PTPRF: variants seen among roughly 807,000 people sequenced by gnomAD.
PTPRF encodes protein tyrosine phosphatase receptor type F.
PTPRF carries 59 observed loss-of-function variants against 201.8 expected under a neutral mutation model. That is an observed-to-expected ratio of 0.29 (90% CI 0.24 to 0.36). PTPRF has a LOEUF of 0.36. PTPRF is among the 10% of genes least tolerant of loss of function. The pLI, the probability that PTPRF is intolerant of heterozygous loss-of-function variation, is 1.00. For missense variants in PTPRF, 2,132 were observed against 2,690.5 expected (o/e 0.79, Z 4.59); for synonymous variants, 1,088 against 1,089.7 (o/e 1.00, Z 0.03).
chr1:43,544,754 C>G (rs565736061), intron 2 of PTPRF, among the ~76,000 whole-genome samples: 112 of 152,304 alleles, frequency 7.4e-4, no homozygotes, highest in African/African-American at 2.5e-3. Flanking sequence ...ACCTCCTACT[C>G]AGGTTTAGAG....
At chr1:43,569,993 A>G (rs141302331) in intron 6 of PTPRF, among the ~76,000 whole-genome samples, 2 of 152,288 alleles carry the variant, frequency 1.3e-5, no homozygotes, top group South Asian at 2.1e-4. Flanking sequence ...GTCAGACTCC[A>G]GACTTTGGGC....
At chr1:43,555,620 A>AT (rs1476121741) in intron 5 of PTPRF, among the ~76,000 whole-genome samples, 2 of 151,694 alleles carry the variant, frequency 1.3e-5, no homozygotes, top group African/African-American at 2.4e-5. Context: ...TAATTTTTGT[A>AT]TTTTTAGTAA....
chr1:43,532,937 G>C (rs892863761), intron 1 of PTPRF, among the ~76,000 whole-genome samples: 1 of 151,942 alleles, frequency 6.6e-6, no homozygotes, highest in South Asian at 2.1e-4. Context: ...ACCTGGGCCC[G>C]CATGCCGGCC....
At position 43,622,184 on chromosome 1, in the gene PTPRF, C is replaced by A; in HGVS notation, c.*181C>A. ...ACACCAATCAGAGAGCCTAGAACAT[C>A]CCTGGGCAAGTGGATGGCCCAGCAG... On this transcript the variant is annotated 3_prime_UTR_variant, in exon 34 of 34. Transcript: ENST00000359947. 1 of 658,920 alleles carries A rather than the reference C, an allele frequency of 1.5e-6. No individual in the cohort carries two copies. The highest frequency in any genetic ancestry group is 2.6e-5 in the Admixed American group (1 of 37,978). 40.8% of individuals were successfully genotyped at this position (658,920 alleles called of 1,614,324 possible).
intron 11 of PTPRF, among the ~76,000 whole-genome samples, chr1:43,594,979 G>A (rs1372552666): frequency 1.3e-5 from 2 of 152,178 alleles, no homozygotes; most frequent in African/African-American, 4.8e-5. Context: ...ATGCTGCTGA[G>A]CGGTCAGGAG....
At chr1:43,571,097 T>A (rs575178311) in intron 6 of PTPRF, among the ~76,000 whole-genome samples, 4 of 152,326 alleles carry the variant, frequency 2.6e-5, no homozygotes, top group Admixed American at 6.5e-5. Context: ...TATATAGTGC[T>A]TGGGGTGCCC....
At chr1:43,573,563 G>C (rs1646715616) in intron 6 of PTPRF, among the ~76,000 whole-genome samples, 1 of 152,226 alleles carries the variant, frequency 6.6e-6, no homozygotes, top group Admixed American at 6.5e-5. Context: ...GGAAGAGCCT[G>C]TCCCCACCCC....
In PTPRF at chr1:43,581,136, C is replaced by T. The variant is rs541021164; in HGVS notation, c.679+2216C>T. On this transcript the variant is annotated intron_variant, in intron 7 of 33. Coordinates refer to ENST00000359947, the MANE Select transcript of PTPRF (RefSeq NM_002840.5). ...TCTTATGTGCAGCCCCTTGGAGCATCCCTGTCTGTGGGGCTCCCTGTTTAC... is the reference window on the plus strand; with the variant it reads ...TCTTATGTGCAGCCCCTTGGAGCATTCCTGTCTGTGGGGCTCCCTGTTTAC... Among the ~76,000 whole-genome samples the T allele has an allele frequency of 2.4e-4, 36 of 152,352 alleles. 1 individual carries two copies. In the South Asian group the frequency reaches 6.8e-3, roughly 29 times the overall value.
chr1:43,574,011 T>C (rs1646755957), intron 6 of PTPRF, among the ~76,000 whole-genome samples: 1 of 85,036 alleles, frequency 1.2e-5, no homozygotes, highest in Admixed American at 1.3e-4. Context: ...TTTTTTTTTT[T>C]TTGAGACAGA....
At chr1:43,558,697 G>A (rs533677259) in intron 5 of PTPRF, among the ~76,000 whole-genome samples, 3 of 152,260 alleles carry the variant, frequency 2.0e-5, no homozygotes, top group East Asian at 1.9e-4. Flanking sequence ...CCTCCAACCC[G>A]CCCGCTGCCG....
At chr1:43,552,501 G>A (rs769655139) in intron 3 of PTPRF, among the ~76,000 whole-genome samples, 10 of 152,222 alleles carry the variant, frequency 6.6e-5, no homozygotes, top group Non-Finnish European at 1.0e-4. Flanking sequence ...CATCGCACAC[G>A]TTTCTGTGCC....
intron 7 of PTPRF, among the ~76,000 whole-genome samples, chr1:43,583,880 C>T (rs536118295): frequency 6.6e-6 from 1 of 152,330 alleles, no homozygotes; most frequent in South Asian, 2.1e-4. Flanking sequence ...TGGAATTTAG[C>T]CCACCAGCCA....
At chr1:43,617,325 C>G in intron 23 of PTPRF, 120 bp from the exon 24 acceptor site, 1 of 1,412,758 alleles carries the variant, frequency 7.1e-7, no homozygotes, top group Non-Finnish European at 9.7e-7. Context: ...GAGGGCCTGG[C>G]TGTGGCCTGT....
intron 26 of PTPRF, 38 bp from the exon 27 acceptor site, chr1:43,619,010 G>A (rs1297011375): frequency 6.2e-7 from 1 of 1,600,166 alleles, no homozygotes; most frequent in East Asian, 2.2e-5. Context: ...TGGCAGGTAG[G>A]CTCCTAGTCG....
At chr1:43,574,073 C>T (rs891810071) in intron 6 of PTPRF, among the ~76,000 whole-genome samples, 3 of 143,226 alleles carry the variant, frequency 2.1e-5, no homozygotes, top group Admixed American at 7.4e-5. Flanking sequence ...CTCGGCTCAT[C>T]GCAACCTCTG....
At chr1:43,591,614 C>T (rs560866044) in intron 9 of PTPRF, 61 bp downstream of exon 9, 6 of 1,482,778 alleles carry the variant, frequency 4.0e-6, no homozygotes, top group South Asian at 3.9e-5. Flanking sequence ...GAGGTTGTGG[C>T]GGTGCCTTTC....
Position 43,545,172 on chromosome 1 carries a change from T to TCTGACCCCTCAAGGTACAGATCTCC in PTPRF, c.91+8_91+32dup, listed in dbSNP as rs1644582821. 1.3e-6 allele frequency: 2 copies of TCTGACCCCTCAAGGTACAGATCTCC among 1,569,102 alleles called. No homozygotes were observed. Among genetic ancestry groups the TCTGACCCCTCAAGGTACAGATCTCC allele is most frequent in the African/African-American group, 1.4e-5 (1 of 73,636 alleles). ...GGCAGGCGCCCATGGTGACAGTAAGTCTGACCCCTCAAGGTACAGATCTCC... is the reference window on the plus strand; with the variant it reads ...GGCAGGCGCCCATGGTGACAGTAAGTCTGACCCCTCAAGGTACAGATCTCCCTGACCCCTCAAGGTACAGATCTCC... On this transcript the variant is annotated splice_region_variant and intron_variant, in intron 3 of 33. Transcript: ENST00000359947.
At chr1:43,544,317 T>C (rs1644526060) in intron 2 of PTPRF, among the ~76,000 whole-genome samples, 1 of 152,076 alleles carries the variant, frequency 6.6e-6, no homozygotes, top group Non-Finnish European at 1.5e-5. Flanking sequence ...CTCTGTGAAG[T>C]AGGAAGGTGC....
At chr1:43,592,688 G>A in intron 11 of PTPRF, 87 bp downstream of exon 11, 1 of 1,402,170 alleles carries the variant, frequency 7.1e-7, no homozygotes, top group Non-Finnish European at 9.3e-7. Flanking sequence ...CCTCGACCAG[G>A]CAGGTGGGGT....
Sources: allele counts gnomAD v4.1 joint callset (sites outside exome capture counted in the v4.1 genomes callset), GRCh38; gene constraint gnomAD v4.1.1; transcripts MANE v1.5; gene names NCBI Gene and HGNC (gene_info 2026-07-23, HGNC 2026-07-21).